CACNG2: variants seen among roughly 807,000 people sequenced by gnomAD.
CACNG2 encodes the protein voltage-dependent calcium channel gamma-2 subunit.
CACNG2 carries 3 observed loss-of-function variants against 25.9 expected under a neutral mutation model. The ratio of observed to expected loss-of-function variants is 0.12; its 90% confidence interval spans 0.05 to 0.30. CACNG2 has a LOEUF of 0.30. CACNG2 is among the 10% of genes least tolerant of loss of function. The pLI is 1.00. For missense variants in CACNG2, 341 were observed against 432.5 expected, an observed-to-expected ratio of 0.79 and a Z score of 1.88; for synonymous variants, 167 against 173.3, an observed-to-expected ratio of 0.96 and a Z score of 0.29.
At chr22:36,668,820 T>C (rs1601446264) in intron 1 of CACNG2, among the ~76,000 whole-genome samples, 1 of 152,136 alleles carries the variant, frequency 6.6e-6, no homozygotes, top group Non-Finnish European at 1.5e-5. Context: ...AGTCTTGCTC[T>C]GAGTCCAAAG....
rs370439174 is a variant in CACNG2 at position 36,566,202 on chromosome 22, C to G, written c.436+151G>C. ...AGTTGCTACAGGACAGGAGCCCCCC[C>G]ACCACCTTCCTCCCCTGCAACACGA... On this transcript the variant is annotated intron_variant, in intron 3 of 3. Coordinates refer to ENST00000300105, the MANE Select transcript of CACNG2 (RefSeq NM_006078.5). 4.3e-4 allele frequency: 333 copies of G among 775,032 alleles called. 1 individual carries two copies. In the African/African-American group the frequency reaches 4.7e-3, roughly 11 times the overall value. 48.0% of individuals were successfully genotyped at this position (775,032 alleles called of 1,614,324 possible).
chr22:36,587,301 C>A (rs1171288225), intron 2 of CACNG2, among the ~76,000 whole-genome samples, 164 bp downstream of exon 2: 1 of 152,096 alleles, frequency 6.6e-6, no homozygotes, highest in East Asian at 1.9e-4. Flanking sequence ...GCAGAGGGAA[C>A]AGCACATATG....
intron 1 of CACNG2, among the ~76,000 whole-genome samples, chr22:36,619,577 A>G (rs1394605528): frequency 1.3e-5 from 2 of 152,180 alleles, no homozygotes; most frequent in African/African-American, 4.8e-5. Context: ...TCATACATAA[A>G]GACCACCGTA....
At chr22:36,680,159 C>T (rs868838363) in intron 1 of CACNG2, among the ~76,000 whole-genome samples, 89 of 147,386 alleles carry the variant, frequency 6.0e-4, no homozygotes, top group South Asian at 8.6e-4. Flanking sequence ...ACTACCACCA[C>T]CATCACCGTC....
chr22:36,589,587 G>A (rs1308753883), intron 1 of CACNG2, among the ~76,000 whole-genome samples: 4 of 152,170 alleles, frequency 2.6e-5, no homozygotes, highest in Non-Finnish European at 5.9e-5. Context: ...ACTTTCTTGA[G>A]TTCTACAAGA....
intron 1 of CACNG2, among the ~76,000 whole-genome samples, chr22:36,617,791 C>T (rs1461251745): frequency 6.6e-6 from 1 of 151,102 alleles, no homozygotes; most frequent in Non-Finnish European, 1.5e-5. Context: ...GTTTGTTCAC[C>T]TGTAGAATGG....
chr22:36,670,905 G>A lies in CACNG2; in HGVS notation c.211+31461C>T, dbSNP rs146785780. Among the ~76,000 whole-genome samples, 112 of 150,656 alleles carry A rather than the reference G, an allele frequency of 7.4e-4. 1 individual carries two copies. Among genetic ancestry groups the A allele is most frequent in the African/African-American group, 2.4e-3 (100 of 41,030 alleles). ...CAAGGCAGTCAGAATTGCAGGCCAGGTCCAAAGTCTATATTCTTTTTTTTT... is the reference window on the plus strand; with the variant it reads ...CAAGGCAGTCAGAATTGCAGGCCAGATCCAAAGTCTATATTCTTTTTTTTT... On this transcript the variant is annotated intron_variant, in intron 1 of 3. Coordinates refer to ENST00000300105, the MANE Select transcript of CACNG2 (RefSeq NM_006078.5).
intron 2 of CACNG2, among the ~76,000 whole-genome samples, chr22:36,567,770 C>T (rs1318797571): frequency 6.6e-6 from 1 of 152,106 alleles, no homozygotes; most frequent in African/African-American, 2.4e-5. Flanking sequence ...CCTCAGGACC[C>T]AGCTCCGTGT....
intron 2 of CACNG2, among the ~76,000 whole-genome samples, chr22:36,579,799 T>C (rs992987822): frequency 6.6e-6 from 1 of 152,186 alleles, no homozygotes; most frequent in Admixed American, 6.5e-5. Context: ...TCTTCCAGGA[T>C]ATATGCACCT....
At position 36,564,632 on chromosome 22, in the gene CACNG2, A is replaced by G. The variant is rs1332844096; in HGVS notation, c.691T>C (p.Tyr231His). 1 of 1,613,894 alleles carries G rather than the reference A, an allele frequency of 6.2e-7. No individual in the cohort carries two copies. Among genetic ancestry groups the G allele is most frequent in the Non-Finnish European group, 8.5e-7 (1 of 1,179,968 alleles). ...GAGCGGCTGCGGCGCTGGTAGCGGT[A>G]GCGGTAGCTGGGGATGCGGGTGATG... ...SAITRIPSYR[Y>H]RYQRRSRSSS... Residue 231 changes from tyrosine (Y) to histidine (H), a missense_variant, in exon 4 of 4, where the codon TAC becomes CAC. Transcript: ENST00000300105. The surrounding 1 kb of genome is among the most constrained non-coding windows in gnomAD (Gnocchi z 6.7).
chr22:36,674,260 C>T (rs1156231792), intron 1 of CACNG2, among the ~76,000 whole-genome samples: 2 of 152,262 alleles, frequency 1.3e-5, no homozygotes, highest in Non-Finnish European at 2.9e-5. Flanking sequence ...CTCCCACCTC[C>T]CACTTCCTCA....
At chr22:36,680,704 T>A (rs950323117) in intron 1 of CACNG2, among the ~76,000 whole-genome samples, 2 of 120,542 alleles carry the variant, frequency 1.7e-5, no homozygotes, top group African/African-American at 3.1e-5. Context: ...CCATCACCAC[T>A]ACCACCATCA....
intron 1 of CACNG2, among the ~76,000 whole-genome samples, chr22:36,623,080 G>T (rs1936133391): frequency 7.4e-6 from 1 of 135,042 alleles, no homozygotes; most frequent in Non-Finnish European, 1.6e-5. Context: ...GAGTGCAGTG[G>T]CACGATCTTG....
At chr22:36,684,615 C>CAAAAAAAAAAAAA (rs10647451) in intron 1 of CACNG2, among the ~76,000 whole-genome samples, 1 of 101,348 alleles carries the variant, frequency 9.9e-6, no homozygotes, top group Non-Finnish European at 2.1e-5. Flanking sequence ...GACCTTGTCT[C>CAAAAAAAAAAAAA]AAAAAAAAAA....
At chr22:36,641,633 C>T (rs1331817917) in intron 1 of CACNG2, among the ~76,000 whole-genome samples, 1 of 152,212 alleles carries the variant, frequency 6.6e-6, no homozygotes, top group Non-Finnish European at 1.5e-5. Flanking sequence ...CTCTGGCCAG[C>T]TCTGTTTAGG....
intron 1 of CACNG2, among the ~76,000 whole-genome samples, chr22:36,634,281 G>T (rs1339262150): frequency 1.3e-5 from 2 of 152,202 alleles, no homozygotes; most frequent in African/African-American, 2.4e-5. Flanking sequence ...TGATGAATGG[G>T]ATGTATGTCA....
chr22:36,627,670 T>C (rs915881259), intron 1 of CACNG2, among the ~76,000 whole-genome samples: 1 of 150,012 alleles, frequency 6.7e-6, no homozygotes, highest in Non-Finnish European at 1.5e-5. Flanking sequence ...TTAAAGAAAC[T>C]GGAGTGCAGT....
At chr22:36,689,012 C>T (rs923049569) in intron 1 of CACNG2, among the ~76,000 whole-genome samples, 12 of 152,188 alleles carry the variant, frequency 7.9e-5, no homozygotes, top group Non-Finnish European at 1.5e-4. Context: ...GGCCTATCTC[C>T]TTTGTTCTAC....
chr22:36,640,324 C>G (rs533994217), intron 1 of CACNG2, among the ~76,000 whole-genome samples: 1 of 152,290 alleles, frequency 6.6e-6, no homozygotes, highest in East Asian at 1.9e-4. Context: ...TTGATGGAAC[C>G]CTTTCAAAGC....
Sources: gnomAD v4.1 joint callset for allele counts (sites outside exome capture counted in the v4.1 genomes callset) on GRCh38, gnomAD v4.1.1 for gene constraint, Gnocchi (gnomAD v3.1) non-coding constraint, MANE v1.5 for transcripts, NCBI Gene and HGNC (gene_info 2026-07-23, HGNC 2026-07-21) for gene names.